Variants in KCNG1 observed in about 807,000 individuals in gnomAD.
The protein encoded by KCNG1 is potassium voltage-gated channel modifier subfamily G member 1, also known as voltage-gated potassium channel regulatory subunit KCNG1.
A neutral mutation model predicts 32.4 loss-of-function variants in KCNG1; 17 were observed. The observed-to-expected ratio is 0.52, with a 90% CI of 0.36 to 0.79. KCNG1 has a LOEUF of 0.79. Among genes scored for constraint, KCNG1 ranks in the 30% least tolerant of loss-of-function variants. KCNG1 has a pLI of 0.00. For missense variants in KCNG1, 441 were observed against 735.2 expected, an observed-to-expected ratio of 0.60 and a Z score of 4.63; for synonymous variants, 358 against 339.9, an observed-to-expected ratio of 1.05 and a Z score of -0.59.
At position 51,021,399 on chromosome 20, in the gene KCNG1, C is replaced by G. The variant is rs546701820; in HGVS notation, c.-27+1471G>C. Among the ~76,000 whole-genome samples the G allele has an allele frequency of 5.3e-5, 8 of 152,336 alleles. No individual in the cohort carries two copies. In the South Asian group the frequency reaches 1.7e-3, roughly 32 times the overall value. On this transcript the variant is annotated intron_variant, in intron 1 of 2. Transcript: ENST00000371571. Reference sequence around the variant, plus strand: ...GCCTGAAAAATCCCCCAAAGAAGGACAGCATGCCCTAGCCACAGTGCCGAC... The same window carrying G: ...GCCTGAAAAATCCCCCAAAGAAGGAGAGCATGCCCTAGCCACAGTGCCGAC...
rs1466621447 is a variant in KCNG1, at chr20:51,015,347, C to T, written c.-26-4983G>A. ...TGAGCTGAGTCAGAGGAAGCTGTTC[C>T]TGGCTGTGGGATTATGGACAGAAGA... is the stretch of plus-strand genomic sequence containing the variant. On this transcript the variant is annotated intron_variant, in intron 1 of 2. Transcript: ENST00000371571. The surrounding 1 kb of genome is among the most constrained non-coding windows in gnomAD (Gnocchi z 4.4). Among the ~76,000 whole-genome samples the T allele has an allele frequency of 2.0e-5, 3 of 152,114 alleles. No homozygotes were observed. The highest frequency in any genetic ancestry group is 7.2e-5 in the African/African-American group (3 of 41,404).
intron 1 of KCNG1, among the ~76,000 whole-genome samples, chr20:51,019,377 G>C (rs892207405): frequency 6.6e-6 from 1 of 152,110 alleles, no homozygotes; most frequent in Non-Finnish European, 1.5e-5. Flanking sequence ...TGAGCATGGT[G>C]GTGTGTACCT....
chr20:51,019,937 G>A (rs1988412964), intron 1 of KCNG1, among the ~76,000 whole-genome samples: 1 of 152,164 alleles, frequency 6.6e-6, no homozygotes, highest in Admixed American at 6.5e-5. Context: ...GCTGTGCCCT[G>A]GTGGAGAATA....
In KCNG1 at chr20:51,010,205, C is replaced by A; in HGVS notation, c.134G>T (p.Arg45Leu). Reference protein sequence around the residue: ...IKGAFYRRAQRLRPQDEPRQG... With the variant: ...IKGAFYRRAQLLRPQDEPRQG... ...GCGGGGCTCATCCTGCGGCCGCAGC[C>A]GCTGCGCCCGGCGGTAGAACGCGCC... The change falls in exon 2 of 3, where the codon CGG becomes CTG. Residue 45 changes from arginine to leucine, a missense_variant. Around this residue, in one of 6 missense-constraint regions of KCNG1, gnomAD observed 85 missense variants for 98.2 expected, o/e 0.87. Transcript: ENST00000371571. 5 of 1,588,078 alleles carry A rather than the reference C, an allele frequency of 3.1e-6. No individual in the cohort carries two copies. Among genetic ancestry groups the A allele is most frequent in the Non-Finnish European group, 4.3e-6 (5 of 1,169,222 alleles).
chr20:51,017,179 T>C (rs1210183608), intron 1 of KCNG1, among the ~76,000 whole-genome samples: 1 of 151,810 alleles, frequency 6.6e-6, no homozygotes. Context: ...CCCAGGGGAG[T>C]GGACAGGCAA....
At chr20:51,018,572 C>T (rs905938195) in intron 1 of KCNG1, among the ~76,000 whole-genome samples, 5 of 152,182 alleles carry the variant, frequency 3.3e-5, no homozygotes, top group East Asian at 1.9e-4. Flanking sequence ...GCAGAGAGAG[C>T]GCTAACTGCA....
chr20:51,020,497 A>C (rs1367874258), intron 1 of KCNG1, among the ~76,000 whole-genome samples: 1 of 152,224 alleles, frequency 6.6e-6, no homozygotes, highest in African/African-American at 2.4e-5. Flanking sequence ...GATTTCGTTA[A>C]TCAAATACAG....
At position 51,003,902 on chromosome 20, in the gene KCNG1, T is replaced by C. The variant is rs1601088023; in HGVS notation, c.*137A>G. The C allele has an allele frequency of 1.3e-5, 12 of 891,288 alleles. No homozygotes were observed. In the East Asian group the frequency reaches 3.2e-4, roughly 24 times the overall value. 55.2% of individuals were successfully genotyped at this position (891,288 alleles called of 1,614,324 possible). On this transcript the variant is annotated 3_prime_UTR_variant, in exon 3 of 3. Coordinates refer to ENST00000371571, the MANE Select transcript of KCNG1 (RefSeq NM_002237.4). ...TTCCCGGGGTGTGGGAGTGAGGGTG[T>C]CCTTCCCCGGGTGCGTGGGAGTCGG...
intron 1 of KCNG1, among the ~76,000 whole-genome samples, chr20:51,012,958 T>C (rs1418793080): frequency 6.6e-6 from 1 of 152,208 alleles, no homozygotes; most frequent in Admixed American, 6.5e-5. Flanking sequence ...TCTCTGGAAT[T>C]AAGCCGATGC....
Position 51,004,468 on chromosome 20 carries a change from G to A in KCNG1, c.1113C>T (p.Arg371=). The A allele has an allele frequency of 1.3e-6, 2 of 1,599,998 alleles. No homozygotes were observed. The highest frequency in any genetic ancestry group is 1.7e-6 in the Non-Finnish European group (2 of 1,173,508). The change falls in exon 3 of 3, where the codon CGC becomes CGT. Residue 371 remains arginine (R), a synonymous_variant. Coordinates refer to ENST00000371571, the MANE Select transcript of KCNG1 (RefSeq NM_002237.4). The surrounding 1 kb of genome is among the most constrained non-coding windows in gnomAD (Gnocchi z 4.3). ...GGAGCCCGAACTCGCGGGTGCAGCG[G>A]CGGGCCGTGAGCCCCAGCGTCTGCA... ...LGLQTLGLTA[R]RCTREFGLLL...
intron 1 of KCNG1, among the ~76,000 whole-genome samples, chr20:51,017,162 A>G (rs1236292168): frequency 6.6e-6 from 1 of 152,200 alleles, no homozygotes; most frequent in African/African-American, 2.4e-5. Flanking sequence ...GTCCCCTAGC[A>G]TCCATCCCCA....
rs1433212661 is a variant in KCNG1, at chr20:51,004,279, GC to G, written c.1301del (p.Ser434ThrfsTer6). On this transcript the variant is annotated frameshift_variant, in exon 3 of 3. Coordinates refer to ENST00000371571, the MANE Select transcript of KCNG1 (RefSeq NM_002237.4). LOFTEE classifies it high-confidence loss of function. This position sits in a 1 kb window ranked among gnomAD's most constrained non-coding sequence, Gnocchi z 4.3. The part of the protein sequence containing the change: ...TVGYGDMVPR[S>X]TPGQVVALSS... ...TCAGGGCCACTACCTGGCCCGGGGT[GC>G]TCCTGGGGACCATGTCGCCATAGCC... 6.2e-7 allele frequency: 1 copy of G among 1,613,348 alleles called. No individual in the cohort carries two copies. Among genetic ancestry groups the G allele is most frequent in the East Asian group, 2.2e-5 (1 of 44,832 alleles).
chr20:51,018,160 C>T (rs1000688609), intron 1 of KCNG1, among the ~76,000 whole-genome samples: 26 of 152,050 alleles, frequency 1.7e-4, no homozygotes, highest in Non-Finnish European at 3.2e-4. Flanking sequence ...TTTGGGAGGG[C>T]GGAATGGGAT....
Position 51,015,050 on chromosome 20 carries a change from T to C in KCNG1, c.-26-4686A>G, listed in dbSNP as rs1988229311. 6.6e-6 allele frequency among the ~76,000 whole-genome samples: 1 copy of C among 152,144 alleles called. No individual in the cohort carries two copies. Among genetic ancestry groups the C allele is most frequent in the Non-Finnish European group, 1.5e-5 (1 of 68,026 alleles). ...GCTGACAATAAGGAGCTGGGGCTTATTCTGCAAGGGACAAGGAGTCCATGT... is the reference window on the plus strand; with the variant it reads ...GCTGACAATAAGGAGCTGGGGCTTACTCTGCAAGGGACAAGGAGTCCATGT... On this transcript the variant is annotated intron_variant, in intron 1 of 2. Transcript: ENST00000371571. The surrounding 1 kb of genome is among the most constrained non-coding windows in gnomAD (Gnocchi z 4.4).
chr20:51,015,976 G>A lies in KCNG1; in HGVS notation c.-26-5612C>T, dbSNP rs987198895. Among the ~76,000 whole-genome samples the A allele has an allele frequency of 6.6e-6, 1 of 152,208 alleles. No homozygotes were observed. The highest frequency in any genetic ancestry group is 2.4e-5 in the African/African-American group (1 of 41,446). On this transcript the variant is annotated intron_variant, in intron 1 of 2. Transcript: ENST00000371571. The surrounding 1 kb of genome is among the most constrained non-coding windows in gnomAD (Gnocchi z 4.4). ...GTGGCCTCCAAAGGCTGGAGGCCAG[G>A]AAATGAGCTCCCTGGAGCCTGCAGA... is the stretch of plus-strand genomic sequence containing the variant.
At chr20:51,021,908 C>G (rs939905470) in intron 1 of KCNG1, among the ~76,000 whole-genome samples, 1 of 152,276 alleles carries the variant, frequency 6.6e-6, no homozygotes, top group East Asian at 1.9e-4. Flanking sequence ...TCTTTTCTTC[C>G]TATTCTAGAA....
chr20:51,004,372 G>C lies in KCNG1; in HGVS notation c.1209C>G (p.Ala403=). 1 of 1,613,794 alleles carries C rather than the reference G, an allele frequency of 6.2e-7. No homozygotes were observed. Among genetic ancestry groups the C allele is most frequent in the Non-Finnish European group, 8.5e-7 (1 of 1,179,728 alleles). The part of the protein sequence containing the change: ...PLLYVIENEM[A]DSPEFTSIPA... ...GGATGCTGGTGAACTCGGGGCTGTC[G>C]GCCATCTCGTTCTCGATGACGTAGA... Residue 403 remains alanine, a synonymous_variant, in exon 3 of 3, where the codon GCC becomes GCG. Transcript: ENST00000371571. The surrounding 1 kb of genome is among the most constrained non-coding windows in gnomAD (Gnocchi z 4.3).
intron 2 of KCNG1, chr20:51,007,312 A>G (rs1013725795): frequency 3.3e-5 from 5 of 151,966 alleles, no homozygotes; most frequent in Non-Finnish European, 7.3e-5. Context: ...CAGCCTCCCA[A>G]GTAGCTAGGA....
intron 1 of KCNG1, among the ~76,000 whole-genome samples, chr20:51,011,026 C>T (rs1208281606): frequency 6.6e-6 from 1 of 152,130 alleles, no homozygotes; most frequent in Non-Finnish European, 1.5e-5. Context: ...AAGAGTGCTG[C>T]TGGCGCCCTG....
Sources: allele counts gnomAD v4.1 joint callset (sites outside exome capture counted in the v4.1 genomes callset), GRCh38; gene constraint gnomAD v4.1.1; regional missense constraint gnomAD v4.1.1; non-coding constraint Gnocchi (gnomAD v3.1); transcripts MANE v1.5; gene names NCBI Gene and HGNC (gene_info 2026-07-23, HGNC 2026-07-21).